The following ZNF804A variants were observed in gnomAD, a reference collection of about 807,000 sequenced individuals.
The protein encoded by ZNF804A is zinc finger protein 804A.
Under a neutral mutation model 16.5 loss-of-function variants are expected in ZNF804A, and 2 were observed. That is an observed-to-expected ratio of 0.12 (90% confidence interval 0.05 to 0.38). The LOEUF is 0.38. Ranked by LOEUF, ZNF804A falls within the 10% of genes least tolerant of loss-of-function variation. ZNF804A has a pLI of 0.99. For missense variants in ZNF804A, 1,473 were observed against 1,390.7 expected, an observed-to-expected ratio of 1.06 and a Z score of -0.94; for synonymous variants, 534 against 489.6, an observed-to-expected ratio of 1.09 and a Z score of -1.20.
intron 1 of ZNF804A, among the ~76,000 whole-genome samples, chr2:184,753,317 G>A (rs963406484): frequency 4.6e-5 from 7 of 151,688 alleles, no homozygotes; most frequent in Non-Finnish European, 8.8e-5. Context: ...CTCCTTCCAT[G>A]TTGTCCTAGA....
At chr2:184,789,020 C>T (rs772370277) in intron 1 of ZNF804A, among the ~76,000 whole-genome samples, 3 of 151,792 alleles carry the variant, frequency 2.0e-5, no homozygotes, top group African/African-American at 7.3e-5. Context: ...TATTTATGTC[C>T]TAGTTTGTTG....
chr2:184,613,608 G>C (rs1422352241), intron 1 of ZNF804A, among the ~76,000 whole-genome samples: 2 of 151,964 alleles, frequency 1.3e-5, no homozygotes, highest in African/African-American at 4.8e-5. Flanking sequence ...GGGGGTAAGG[G>C]GAAAGAGAAA....
Position 184,866,464 on chromosome 2 carries a change from C to T in ZNF804A, c.207C>T (p.His69=). ...TCTGTGACAAGCAGTACTATAAGCA[C>T]CAGGAGTTTGACAATCACATTAATT... is the stretch of plus-strand genomic sequence containing the variant. ...CELCDKQYYK[H]QEFDNHINSY... is the part of the protein sequence containing the mutation. Residue 69 remains histidine (H), a synonymous_variant, in exon 2 of 4, where the codon CAC becomes CAT. Coordinates refer to ENST00000302277, the MANE Select transcript of ZNF804A (RefSeq NM_194250.2). The T allele has an allele frequency of 6.2e-7, 1 of 1,612,332 alleles. No homozygotes were observed. The highest frequency in any genetic ancestry group is 8.5e-7 in the Non-Finnish European group (1 of 1,179,178).
At chr2:184,666,186 A>G (rs1692251259) in intron 1 of ZNF804A, among the ~76,000 whole-genome samples, 1 of 152,174 alleles carries the variant, frequency 6.6e-6, no homozygotes, top group Non-Finnish European at 1.5e-5. Context: ...AAATACATGT[A>G]GAGCAATTTC....
chr2:184,904,561 C>A (rs1179813428), intron 2 of ZNF804A, among the ~76,000 whole-genome samples: 7 of 152,040 alleles, frequency 4.6e-5, no homozygotes, highest in Non-Finnish European at 4.4e-5. Flanking sequence ...AAATCTACTT[C>A]TTTGGGTAAA....
At position 184,797,259 on chromosome 2, in the gene ZNF804A, A is replaced by G. The variant is rs139428576; in HGVS notation, c.112-69110A>G. On this transcript the variant is annotated intron_variant, in intron 1 of 3. Transcript: ENST00000302277. ...CCTCACTATTATTGTGTTTCTGTCT[A>G]TCTTATTTCTTAGGTCTATTGGTAA... Among the ~76,000 whole-genome samples, 12 of 152,212 alleles carry G rather than the reference A, an allele frequency of 7.9e-5. No individual in the cohort carries two copies. The East Asian group carries it at 1.9e-3, about 24-fold the overall frequency.
chr2:184,901,670 C>A (rs1178959532), intron 2 of ZNF804A, among the ~76,000 whole-genome samples: 1 of 151,960 alleles, frequency 6.6e-6, no homozygotes, highest in African/African-American at 2.4e-5. Flanking sequence ...TTTAATCAAC[C>A]GTCATTGAAT....
At chr2:184,742,820 A>G (rs1223066712) in intron 1 of ZNF804A, among the ~76,000 whole-genome samples, 2 of 151,642 alleles carry the variant, frequency 1.3e-5, no homozygotes, top group Non-Finnish European at 3.0e-5. Flanking sequence ...ATATATAACT[A>G]TATTATATAG....
At chr2:184,674,858 A>T (rs1692396452) in intron 1 of ZNF804A, among the ~76,000 whole-genome samples, 1 of 151,878 alleles carries the variant, frequency 6.6e-6, no homozygotes, top group Non-Finnish European at 1.5e-5. Flanking sequence ...TTCCATGTCA[A>T]CAACTTTTTA....
chr2:184,650,547 A>G (rs1183625583), intron 1 of ZNF804A, among the ~76,000 whole-genome samples: 2 of 152,112 alleles, frequency 1.3e-5, no homozygotes, highest in South Asian at 2.1e-4. Flanking sequence ...ATATAATTTT[A>G]TACTCAAAAA....
At chr2:184,620,847 AT>A (rs961863133) in intron 1 of ZNF804A, among the ~76,000 whole-genome samples, 10 of 151,744 alleles carry the variant, frequency 6.6e-5, no homozygotes, top group Non-Finnish European at 1.3e-4. Context: ...TCCTATCGAT[AT>A]TTTTATAATT....
At chr2:184,861,334 A>G (rs988597888) in intron 1 of ZNF804A, among the ~76,000 whole-genome samples, 3 of 152,184 alleles carry the variant, frequency 2.0e-5, no homozygotes, top group Middle Eastern at 3.2e-3. Flanking sequence ...CACTATACAC[A>G]GGTGCTACAA....
chr2:184,858,222 G>A (rs370203273), intron 1 of ZNF804A, among the ~76,000 whole-genome samples: 3 of 151,822 alleles, frequency 2.0e-5, no homozygotes, highest in African/African-American at 7.3e-5. Flanking sequence ...TAACAACTTA[G>A]GCCAGGTGCA....
intron 2 of ZNF804A, among the ~76,000 whole-genome samples, chr2:184,910,402 C>T (rs192625699): frequency 6.6e-6 from 1 of 152,124 alleles, no homozygotes; most frequent in Admixed American, 6.6e-5. Flanking sequence ...GATTCCACAT[C>T]TTTGCTATTG....
chr2:184,878,837 T>A (rs2105816799), intron 2 of ZNF804A, among the ~76,000 whole-genome samples: 1 of 152,188 alleles, frequency 6.6e-6, no homozygotes, highest in African/African-American at 2.4e-5. Context: ...GTTTTTTTAT[T>A]CTTTAAGCTA....
At chr2:184,907,394 A>G (rs1404811364) in intron 2 of ZNF804A, among the ~76,000 whole-genome samples, 1 of 152,182 alleles carries the variant, frequency 6.6e-6, no homozygotes, top group Non-Finnish European at 1.5e-5. Context: ...TTTGACAATT[A>G]CACAAAGCTT....
chr2:184,684,748 G>T (rs1384815763), intron 1 of ZNF804A, among the ~76,000 whole-genome samples: 1 of 147,560 alleles, frequency 6.8e-6, no homozygotes, highest in Non-Finnish European at 1.5e-5. Flanking sequence ...AGTGTCTATT[G>T]TTCCCATGCT....
intron 1 of ZNF804A, among the ~76,000 whole-genome samples, chr2:184,651,982 G>A (rs1426165093): frequency 2.0e-5 from 3 of 152,038 alleles, no homozygotes; most frequent in Non-Finnish European, 4.4e-5. Context: ...AAAGACACAT[G>A]CACTCATATT....
chr2:184,823,168 C>T (rs1034194036), intron 1 of ZNF804A, among the ~76,000 whole-genome samples: 13 of 152,168 alleles, frequency 8.5e-5, no homozygotes, highest in African/African-American at 3.1e-4. Flanking sequence ...ACCTTGAACA[C>T]TCTGTCCTCT....
Sources: gnomAD v4.1 joint callset for allele counts (sites outside exome capture counted in the v4.1 genomes callset) on GRCh38, gnomAD v4.1.1 for gene constraint, MANE v1.5 for transcripts, NCBI Gene and HGNC (gene_info 2026-07-23, HGNC 2026-07-21) for gene names.